HARBI1: variants seen among roughly 807,000 people sequenced by gnomAD.
HARBI1 encodes the protein harbinger transposase derived 1, also known as putative nuclease HARBI1.
A neutral mutation model predicts 25.3 loss-of-function variants in HARBI1; 15 were observed. The observed-to-expected ratio is 0.59, with a 90% CI of 0.40 to 0.91. The LOEUF (loss-of-function observed/expected upper bound fraction) is 0.91, where lower values mean the gene tolerates loss of function less well. Ranked by LOEUF, HARBI1 falls within the 40% of genes least tolerant of loss-of-function variation. HARBI1 has a pLI of 0.00. For missense variants in HARBI1, 396 were observed against 445.8 expected, an observed-to-expected ratio of 0.89 and a Z score of 1.01; for synonymous variants, 168 against 160.5, an observed-to-expected ratio of 1.05 and a Z score of -0.35.
At chr11:46,607,911 CAA>C (rs201193777) in intron 2 of HARBI1, among the ~76,000 whole-genome samples, 309 of 74,838 alleles carry the variant, frequency 4.1e-3, no homozygotes, top group African/African-American at 0.011. Flanking sequence ...AAAAATAATG[CAA>C]AAAAAAAAAA....
chr11:46,611,604 G>A (rs531491810), intron 2 of HARBI1, among the ~76,000 whole-genome samples: 2 of 151,896 alleles, frequency 1.3e-5, no homozygotes, highest in South Asian at 4.2e-4. Context: ...CCAGCTACTC[G>A]GTAGGCTGAG....
Position 46,615,552 on chromosome 11 carries a change from A to G in HARBI1, c.670+16T>C. 1.9e-6 allele frequency: 3 copies of G among 1,604,552 alleles called. No homozygotes were observed. The highest frequency in any genetic ancestry group is 2.6e-6 in the Non-Finnish European group (3 of 1,173,042). On this transcript the variant is annotated intron_variant, in intron 2 of 2. Transcript: ENST00000326737. ...ATGCCTCCAAACAAAATGAAAATTC[A>G]CACTTGCAAACTTACCCAGAAGCCA...
intron 2 of HARBI1, 86 bp downstream of exon 2, chr11:46,615,482 G>A (rs982590054): frequency 9.2e-7 from 1 of 1,089,346 alleles, no homozygotes; most frequent in African/African-American, 1.5e-5. Context: ...CTCCCAAAGT[G>A]CTGGGGTTGT....
chr11:46,610,093 T>C (rs1449088396), intron 2 of HARBI1, among the ~76,000 whole-genome samples: 1 of 151,048 alleles, frequency 6.6e-6, no homozygotes, highest in East Asian at 2.0e-4. Flanking sequence ...CCTCAGGTGA[T>C]CCACCCGCTT....
Position 46,603,742 on chromosome 11 carries a change from C to G in HARBI1, c.838G>C (p.Ala280Pro). Reference protein sequence around the residue: ...RFRCLDGSKGALQYSPEKSSH... With the variant: ...RFRCLDGSKGPLQYSPEKSSH... ...GATTTCTCTGGTGAGTACTGCAGTG[C>G]CCCCTTGGATCCATCCAGGCAGCGG... Residue 280 changes from alanine to proline, a missense_variant, in exon 3 of 3, where the codon GCA becomes CCA. Ala to Pro is a conservative substitution (Grantham distance 27). Coordinates refer to ENST00000326737, the MANE Select transcript of HARBI1 (RefSeq NM_173811.4). The G allele has an allele frequency of 1.2e-6, 2 of 1,614,170 alleles. No homozygotes were observed. Among genetic ancestry groups the G allele is most frequent in the Non-Finnish European group, 1.7e-6 (2 of 1,180,030 alleles).
Position 46,603,315 on chromosome 11 carries a change from G to GCC in HARBI1, c.*213_*214dup, listed in dbSNP as rs2044826414. The GCC allele has an allele frequency of 4.2e-6, 2 of 479,372 alleles. No homozygotes were observed. Among genetic ancestry groups the GCC allele is most frequent in the African/African-American group, 1.9e-5 (1 of 51,382 alleles). The allele number at this position is 479,372 out of a possible 1,614,324, so 29.7% of individuals were successfully genotyped here. ...CCTAGAGTTCACTGGATAGTAGGGA[G>GCC]CCGCTGTCTTGGTTTCAGTTTAATT... On this transcript the variant is annotated 3_prime_UTR_variant, in exon 3 of 3. Coordinates refer to ENST00000326737, the MANE Select transcript of HARBI1 (RefSeq NM_173811.4).
chr11:46,615,582 T>C lies in HARBI1; in HGVS notation c.656A>G (p.Asp219Gly). The C allele has an allele frequency of 6.2e-7, 1 of 1,612,888 alleles. No homozygotes were observed. Among genetic ancestry groups the C allele is most frequent in the Non-Finnish European group, 8.5e-7 (1 of 1,179,162 alleles). The change falls in exon 2 of 3, where the codon GAT (aspartate) becomes GGT (glycine). Residue 219 changes from aspartate to glycine, a missense_variant. Coordinates refer to ENST00000326737, the MANE Select transcript of HARBI1 (RefSeq NM_173811.4). Reference protein sequence around the residue: ...SSQFEAGMHKDSWLLGDSSFF... With the variant: ...SSQFEAGMHKGSWLLGDSSFF... ...TGCAAACTTACCCAGAAGCCAGCTA[T>C]CTTTGTGCATACCCGCTTCAAACTG...
At chr11:46,614,424 CAAT>C (rs755471273) in intron 2 of HARBI1, among the ~76,000 whole-genome samples, 7 of 151,130 alleles carry the variant, frequency 4.6e-5, no homozygotes, top group African/African-American at 7.3e-5. Flanking sequence ...AACTCTGTCT[CAAT>C]AATAATAATA....
At chr11:46,605,234 G>A (rs979516248) in intron 2 of HARBI1, among the ~76,000 whole-genome samples, 1 of 152,072 alleles carries the variant, frequency 6.6e-6, no homozygotes, top group Non-Finnish European at 1.5e-5. Context: ...TTTTTTTGGA[G>A]ACAGAGTTTT....
At position 46,615,943 on chromosome 11, in the gene HARBI1, A is replaced by G; in HGVS notation, c.295T>C (p.Ser99Pro). Residue 99 changes from serine (S) to proline (P), a missense_variant, in exon 2 of 3, where the codon TCT becomes CCT. Ser to Pro is a moderately conservative substitution (Grantham distance 74, BLOSUM62 -1). Transcript: ENST00000326737. ...MGDAIGISQA[S>P]MSRCVANVTE... The stretch of plus-strand genomic sequence containing the variant: ...ACATTGGCAACACAACGACTCATAG[A>G]CGCCTGACTGATTCCAATGGCATCT... 6.2e-7 allele frequency: 1 copy of G among 1,614,184 alleles called. No individual in the cohort carries two copies. The highest frequency in any genetic ancestry group is 8.5e-7 in the Non-Finnish European group (1 of 1,180,032).
chr11:46,606,889 G>A (rs1206241666), intron 2 of HARBI1, among the ~76,000 whole-genome samples: 3 of 152,132 alleles, frequency 2.0e-5, no homozygotes, highest in Non-Finnish European at 4.4e-5. Context: ...CATTCCTCCC[G>A]CTTCAGGAGG....
chr11:46,606,266 A>G (rs1351889952), intron 2 of HARBI1, among the ~76,000 whole-genome samples: 1 of 152,104 alleles, frequency 6.6e-6, no homozygotes, highest in Admixed American at 6.6e-5. Context: ...AATGAAAAAT[A>G]ATATCCATGA....
At chr11:46,617,336 GTC>G (rs113299100), upstream of HARBI1, 2,245 of 150,602 alleles carry the variant, frequency 0.015, 15 homozygotes, top group Non-Finnish European at 0.019. Context: ...GGCCCAAACG[GTC>G]TCTCTCTCTC....
chr11:46,616,388 A>G lies in HARBI1; in HGVS notation c.-144-7T>C. 1 of 1,430,566 alleles carries G rather than the reference A, an allele frequency of 7.0e-7. No homozygotes were observed. Among genetic ancestry groups the G allele is most frequent in the Non-Finnish European group, 9.1e-7 (1 of 1,099,316 alleles). The allele number at this position is 1,430,566 out of a possible 1,614,324, so 88.6% of individuals were successfully genotyped here. ...GCCATTTATAATCTTCTCTCTGTAAATGTTAAAAGAAAAAACATTAGGAAC... is the reference window on the plus strand; with the variant it reads ...GCCATTTATAATCTTCTCTCTGTAAGTGTTAAAAGAAAAAACATTAGGAAC... On this transcript the variant is annotated splice_region_variant and splice_polypyrimidine_tract_variant and intron_variant, in intron 1 of 2. Coordinates refer to ENST00000326737, the MANE Select transcript of HARBI1 (RefSeq NM_173811.4).
chr11:46,617,538 T>TCCCC (rs1418857951), upstream of HARBI1: 4 of 204,598 alleles, frequency 2.0e-5, no homozygotes, highest in South Asian at 2.5e-4. Flanking sequence ...TAGCCCTCTT[T>TCCCC]CACCCCCCCC....
chr11:46,604,366 T>C (rs1307160833), intron 2 of HARBI1: 9 of 811,066 alleles, frequency 1.1e-5, no homozygotes, highest in Non-Finnish European at 1.3e-5. Flanking sequence ...GATCACGCCA[T>C]TGCACTCCAA....
chr11:46,604,480 A>C (rs2044863879), intron 2 of HARBI1: 1 of 968,938 alleles, frequency 1.0e-6, no homozygotes, highest in Non-Finnish European at 1.2e-6. Context: ...AAACCAAATA[A>C]AATCAAATAG....
chr11:46,605,902 T>C (rs2044927963), intron 2 of HARBI1, among the ~76,000 whole-genome samples: 1 of 151,680 alleles, frequency 6.6e-6, no homozygotes, highest in East Asian at 1.9e-4. Flanking sequence ...TTTGTTTGTT[T>C]GTTTTTTTGA....
chr11:46,615,676 T>C lies in HARBI1; in HGVS notation c.562A>G (p.Thr188Ala). 1 of 1,614,180 alleles carries C rather than the reference T, an allele frequency of 6.2e-7. No individual in the cohort carries two copies. Among genetic ancestry groups the C allele is most frequent in the Non-Finnish European group, 8.5e-7 (1 of 1,180,014 alleles). ...MVCDIRGTLM[T>A]VETNWPGSLQ... ...CTGCCGGGCCAGTTTGTCTCCACGG[T>C]CATTAGTGTCCCTCTAATGTCACAC... Residue 188 changes from threonine to alanine, a missense_variant, in exon 2 of 3, where the codon ACC (threonine) becomes GCC (alanine). Coordinates refer to ENST00000326737, the MANE Select transcript of HARBI1 (RefSeq NM_173811.4).
Sources: gnomAD v4.1 joint callset for allele counts (sites outside exome capture counted in the v4.1 genomes callset) on GRCh38, gnomAD v4.1.1 for gene constraint, MANE v1.5 for transcripts, NCBI Gene and HGNC (gene_info 2026-07-23, HGNC 2026-07-21) for gene names.